The following FLT3LG variants were observed in gnomAD, a reference collection of about 807,000 sequenced individuals.
The protein encoded by FLT3LG is fms-related tyrosine kinase 3 ligand.
A neutral mutation model predicts 30.9 loss-of-function variants in FLT3LG; 8 were observed. The ratio of observed to expected loss-of-function variants is 0.26; its 90% CI spans 0.15 to 0.47. FLT3LG has a LOEUF of 0.47. FLT3LG is among the 20% of genes least tolerant of loss of function. The pLI is 0.99. For missense variants in FLT3LG, 278 were observed against 306.2 expected, an observed-to-expected ratio of 0.91 and a Z score of 0.69; for synonymous variants, 123 against 135.9, an observed-to-expected ratio of 0.91 and a Z score of 0.66.
intron 8 of FLT3LG, among the ~76,000 whole-genome samples, chr19:49,483,095 G>A (rs1216043380): frequency 6.6e-6 from 1 of 151,930 alleles, no homozygotes; most frequent in Non-Finnish European, 1.5e-5. Context: ...GTCATACTAA[G>A]CCTTCAGCAT....
At chr19:49,477,749 A>G (rs1326377925) in intron 5 of FLT3LG, among the ~76,000 whole-genome samples, 2 of 151,290 alleles carry the variant, frequency 1.3e-5, no homozygotes, top group Admixed American at 1.3e-4. Context: ...CTCCAAAAAA[A>G]TAAAAATAAA....
At chr19:49,483,449 A>G (rs957748021) in intron 8 of FLT3LG, among the ~76,000 whole-genome samples, 1 of 152,082 alleles carries the variant, frequency 6.6e-6, no homozygotes, top group Non-Finnish European at 1.5e-5. Flanking sequence ...TGCTTCATCT[A>G]TATTTAAATT....
At chr19:49,484,175 G>A (rs972810152) in intron 8 of FLT3LG, among the ~76,000 whole-genome samples, 12 of 148,122 alleles carry the variant, frequency 8.1e-5, no homozygotes, top group Non-Finnish European at 1.5e-4. Context: ...GAGCCACCAC[G>A]CCCAGCCTAT....
intron 8 of FLT3LG, among the ~76,000 whole-genome samples, chr19:49,485,239 CTTTTTTTTCTTTTTT>C (rs992841747): frequency 7.1e-6 from 1 of 140,804 alleles, no homozygotes; most frequent in Non-Finnish European, 1.5e-5. Flanking sequence ...GTTTCTTTTT[CTTTTTTTTCTTTTTT>C]TTTTTTTTTT....
intron 8 of FLT3LG, chr19:49,482,111 G>C (rs2122561315): frequency 6.6e-6 from 1 of 151,172 alleles, no homozygotes; most frequent in South Asian, 2.1e-4. Context: ...TGACAACCAA[G>C]ATTTGACTTC....
intron 8 of FLT3LG, 32 bp downstream of exon 8, chr19:49,480,652 T>C: frequency 6.3e-7 from 1 of 1,575,812 alleles, no homozygotes; most frequent in Non-Finnish European, 8.6e-7. Context: ...GGGCCTGGAC[T>C]TTGTGTCTGC....
chr19:49,475,822 C>A (rs759773439), intron 3 of FLT3LG, 21 bp downstream of exon 3: 2 of 1,601,476 alleles, frequency 1.2e-6, no homozygotes, highest in Non-Finnish European at 1.7e-6. Flanking sequence ...CTGCCCCGGA[C>A]CCCCTCATGT....
Position 49,476,501 on chromosome 19 carries a change from A to G in FLT3LG, c.277A>G (p.Lys93Glu). The change falls in exon 5 of 9, where the codon AAG (lysine) becomes GAG (glutamate). Residue 93 changes from lysine to glutamate, a missense_variant. Physicochemically the swap from Lys to Glu is moderately conservative, Grantham distance 56 (BLOSUM62 1). This residue lies in a region of FLT3LG where 68 missense variants were observed against 110.0 expected (regional missense o/e 0.62). Transcript: ENST00000597551. The surrounding 1 kb of genome is among the most constrained non-coding windows in gnomAD (Gnocchi z 5.3). The part of the protein sequence containing the change: ...MERLKTVAGS[K>E]MQGLLERVNT... Reference sequence around the variant, plus strand: ...GCGGCTCAAGACTGTCGCTGGGTCCAAGATGCAAGGCTTGCTGGAGCGCGT... The same window carrying G: ...GCGGCTCAAGACTGTCGCTGGGTCCGAGATGCAAGGCTTGCTGGAGCGCGT... The G allele has an allele frequency of 2.5e-6, 4 of 1,614,176 alleles. No homozygotes were observed. The highest frequency in any genetic ancestry group is 3.4e-6 in the Non-Finnish European group (4 of 1,180,024).
intron 6 of FLT3LG, among the ~76,000 whole-genome samples, chr19:49,479,492 GCCTA>G (rs2079521684): frequency 7.3e-6 from 1 of 137,276 alleles, no homozygotes; most frequent in Non-Finnish European, 1.5e-5. Flanking sequence ...ACAGTGCCCA[GCCTA>G]CCTTTTTTTT....
intron 6 of FLT3LG, among the ~76,000 whole-genome samples, chr19:49,479,410 T>C (rs1490389515): frequency 1.3e-5 from 2 of 151,478 alleles, no homozygotes; most frequent in African/African-American, 4.9e-5. Context: ...TAAACCAGGA[T>C]GGTCTCGATC....
chr19:49,484,288 ATTTTTTTT>A (rs745909519), intron 8 of FLT3LG, among the ~76,000 whole-genome samples: 2 of 98,352 alleles, frequency 2.0e-5, no homozygotes, highest in Non-Finnish European at 4.0e-5. Context: ...TTTTATTATA[ATTTTTTTT>A]TTTTTTTTTT....
chr19:49,483,022 AT>A (rs2079667889), intron 8 of FLT3LG, among the ~76,000 whole-genome samples: 1 of 152,210 alleles, frequency 6.6e-6, no homozygotes, highest in African/African-American at 2.4e-5. Context: ...GTATTTCTCA[AT>A]GATTAATGAG....
intron 5 of FLT3LG, among the ~76,000 whole-genome samples, chr19:49,478,575 C>A (rs1231723821): frequency 6.6e-6 from 1 of 152,048 alleles, no homozygotes; most frequent in Non-Finnish European, 1.5e-5. Context: ...GAGTTCGAGA[C>A]CAGCCTGGCC....
At chr19:49,484,272 TTTA>T (rs1338075735) in intron 8 of FLT3LG, among the ~76,000 whole-genome samples, 2 of 148,978 alleles carry the variant, frequency 1.3e-5, no homozygotes, top group South Asian at 4.2e-4. Flanking sequence ...CTGTCTTAAA[TTTA>T]TTTTTTATTA....
intron 6 of FLT3LG, chr19:49,479,783 G>A (rs564778310): frequency 6.4e-6 from 1 of 155,796 alleles, no homozygotes; most frequent in East Asian, 1.9e-4. Flanking sequence ...TAGGATTACA[G>A]ATGTGAGCCA....
chr19:49,479,080 C>A (rs777803841), intron 6 of FLT3LG, 33 bp downstream of exon 6: 5 of 1,585,280 alleles, frequency 3.2e-6, no homozygotes, highest in Non-Finnish European at 4.3e-6. Flanking sequence ...ACTCCTTCCC[C>A]TCCTGTCCTC....
At chr19:49,479,146 G>A (rs1368641454) in intron 6 of FLT3LG, 99 bp downstream of exon 6, 5 of 1,116,336 alleles carry the variant, frequency 4.5e-6, no homozygotes. Context: ...TCTCATATTG[G>A]TTGTGACAAG....
intron 8 of FLT3LG, chr19:49,482,302 T>A (rs1479241835): frequency 6.6e-6 from 1 of 151,394 alleles, no homozygotes; most frequent in Non-Finnish European, 1.5e-5. Flanking sequence ...ATTTTTGTAT[T>A]TGTAGTAGAG....
Position 49,479,020 on chromosome 19 carries a change from C to T in FLT3LG, c.454C>T (p.Arg152Trp). 2.5e-6 allele frequency: 4 copies of T among 1,608,088 alleles called. No homozygotes were observed. Among genetic ancestry groups the T allele is most frequent in the East Asian group, 2.3e-5 (1 of 44,408 alleles). The change falls in exon 6 of 9, where the codon CGG (arginine) becomes TGG (tryptophan). Residue 152 changes from arginine (R) to tryptophan (W), a missense_variant. By Grantham distance (101) the Arg-to-Trp change is moderately radical. Around this residue, in one of 3 missense-constraint regions of FLT3LG, gnomAD observed 170 missense variants for 162.0 expected, o/e 1.05. Transcript: ENST00000597551. ...KPWITRQNFSRCLELQCQPDS... is the reference protein window; with the variant it reads ...KPWITRQNFSWCLELQCQPDS... The stretch of plus-strand genomic sequence containing the variant: ...CTGGATCACTCGCCAGAACTTCTCC[C>T]GGTGCCTGGAGCTGCAGTGTCAGCC...
Sources: allele counts gnomAD v4.1 joint callset (sites outside exome capture counted in the v4.1 genomes callset), GRCh38; gene constraint gnomAD v4.1.1; regional missense constraint gnomAD v4.1.1; non-coding constraint Gnocchi (gnomAD v3.1); transcripts MANE v1.5; gene names NCBI Gene and HGNC (gene_info 2026-07-23, HGNC 2026-07-21).